Variants in ARHGAP15 observed in about 807,000 individuals in gnomAD.
ARHGAP15 encodes the protein rho GTPase-activating protein 15.
In ARHGAP15, 51 loss-of-function variants were observed where a neutral mutation model predicts 63.7. The observed-to-expected ratio is 0.80, with a 90% CI of 0.64 to 1.01. The LOEUF is 1.01. Ranked by LOEUF, ARHGAP15 falls within the 50% of genes least tolerant of loss-of-function variation. The pLI is 0.00. For synonymous variants in ARHGAP15, 191 were observed against 193.8 expected, an observed-to-expected ratio of 0.99 and a Z score of 0.12; for missense variants, 560 against 564.6, an observed-to-expected ratio of 0.99 and a Z score of 0.08.
chr2:143,607,160 C>T (rs1698070786), intron 11 of ARHGAP15, among the ~76,000 whole-genome samples: 1 of 152,266 alleles, frequency 6.6e-6, no homozygotes, highest in East Asian at 1.9e-4. Flanking sequence ...TTCAGTCACG[C>T]TGCTCTAACT....
intron 2 of ARHGAP15, among the ~76,000 whole-genome samples, chr2:143,190,323 T>G (rs1239148834): frequency 1.3e-5 from 2 of 152,226 alleles, no homozygotes; most frequent in Non-Finnish European, 2.9e-5. Flanking sequence ...AATCACATTA[T>G]GAAGCTGACT....
At chr2:143,299,492 A>G (rs1484208949) in intron 6 of ARHGAP15, among the ~76,000 whole-genome samples, 1 of 151,984 alleles carries the variant, frequency 6.6e-6, no homozygotes. Context: ...AATGTTACAG[A>G]GTGGCCCTCA....
Position 143,755,763 on chromosome 2 carries a change from G to A in ARHGAP15, c.1245-12226G>A, listed in dbSNP as rs536493722. On this transcript the variant is annotated intron_variant, in intron 13 of 13. Coordinates refer to ENST00000295095, the MANE Select transcript of ARHGAP15 (RefSeq NM_018460.4). ...GGCCAGGCAGATTACCTGAGGTAGG[G>A]AGTTTGAGATCAGCCTGACCAACAT... 5.9e-5 allele frequency among the ~76,000 whole-genome samples: 9 copies of A among 152,228 alleles called. No homozygotes were observed. In the South Asian group the frequency reaches 1.9e-3, roughly 32 times the overall value.
intron 12 of ARHGAP15, among the ~76,000 whole-genome samples, chr2:143,634,954 G>A (rs1259108065): frequency 6.6e-6 from 1 of 151,912 alleles, no homozygotes; most frequent in Non-Finnish European, 1.5e-5. Flanking sequence ...GATGTTCACG[G>A]TGGCACCAGA....
At chr2:143,571,190 G>C (rs1471977764) in intron 11 of ARHGAP15, among the ~76,000 whole-genome samples, 1 of 152,100 alleles carries the variant, frequency 6.6e-6, no homozygotes, top group African/African-American at 2.4e-5. Context: ...AAAAGCTTGA[G>C]GTTCCCATTG....
chr2:143,346,178 TCTCTCACA>T (rs1409730347), intron 6 of ARHGAP15, among the ~76,000 whole-genome samples: 1 of 142,996 alleles, frequency 7.0e-6, no homozygotes, highest in African/African-American at 2.6e-5. Context: ...ACACACTCTC[TCTCTCACA>T]CACACACTCT....
At chr2:143,582,836 A>G (rs1696964369) in intron 11 of ARHGAP15, among the ~76,000 whole-genome samples, 1 of 152,246 alleles carries the variant, frequency 6.6e-6, no homozygotes, top group Admixed American at 6.5e-5. Context: ...GGAGGAGACA[A>G]TACTTCAAAA....
chr2:143,551,497 T>C (rs1695560256), intron 10 of ARHGAP15, among the ~76,000 whole-genome samples: 1 of 152,190 alleles, frequency 6.6e-6, no homozygotes, highest in African/African-American at 2.4e-5. Context: ...GAAAGCATGT[T>C]GGGGCAGCTA....
chr2:143,731,964 T>A (rs985791441), intron 13 of ARHGAP15, among the ~76,000 whole-genome samples: 1 of 152,194 alleles, frequency 6.6e-6, no homozygotes, highest in Non-Finnish European at 1.5e-5. Context: ...AAAATGCAAG[T>A]ATGTCTGAAT....
intron 6 of ARHGAP15, among the ~76,000 whole-genome samples, chr2:143,292,041 C>T (rs1450104478): frequency 6.6e-6 from 1 of 152,064 alleles, no homozygotes; most frequent in African/African-American, 2.4e-5. Flanking sequence ...CACAGTGGTG[C>T]TATTAGACAG....
chr2:143,454,451 G>T (rs74967677), intron 8 of ARHGAP15, among the ~76,000 whole-genome samples: 10,387 of 152,070 alleles, frequency 0.068, 529 homozygotes, highest in East Asian at 0.21. Context: ...TTATCTGTTT[G>T]CTTGTTTATT....
chr2:143,611,294 G>A (rs952560767), intron 11 of ARHGAP15, among the ~76,000 whole-genome samples: 1 of 152,030 alleles, frequency 6.6e-6, no homozygotes, highest in Admixed American at 6.6e-5. Context: ...TCTATATGTT[G>A]CTATACAACT....
At chr2:143,605,668 A>G (rs1175893064) in intron 11 of ARHGAP15, among the ~76,000 whole-genome samples, 2 of 151,768 alleles carry the variant, frequency 1.3e-5, no homozygotes, top group Admixed American at 6.6e-5. Flanking sequence ...TTGACTTCCA[A>G]TGTAGGGAGA....
At chr2:143,235,310 G>A (rs1163746088) in intron 5 of ARHGAP15, among the ~76,000 whole-genome samples, 1 of 149,638 alleles carries the variant, frequency 6.7e-6, no homozygotes, top group African/African-American at 2.4e-5. Context: ...TTTGAATTGG[G>A]CCTTGTAGGA....
intron 12 of ARHGAP15, among the ~76,000 whole-genome samples, chr2:143,680,845 C>T (rs1355632923): frequency 6.6e-6 from 1 of 152,184 alleles, no homozygotes; most frequent in Non-Finnish European, 1.5e-5. Flanking sequence ...CAATAAAAAT[C>T]CATGACTTCT....
chr2:143,134,154 C>T (rs354718), intron 1 of ARHGAP15, among the ~76,000 whole-genome samples: 6 of 14,730 alleles, frequency 4.1e-4, no homozygotes, highest in South Asian at 1.2e-3. Context: ...TATCTATCTA[C>T]CTATCTATCT....
At chr2:143,750,298 G>A (rs1038478277) in intron 13 of ARHGAP15, among the ~76,000 whole-genome samples, 1 of 152,112 alleles carries the variant, frequency 6.6e-6, no homozygotes, top group Non-Finnish European at 1.5e-5. Context: ...AGAATTAGTG[G>A]GGCATGATGG....
At chr2:143,174,710 C>T (rs1267254398) in intron 2 of ARHGAP15, among the ~76,000 whole-genome samples, 3 of 152,076 alleles carry the variant, frequency 2.0e-5, no homozygotes, top group Non-Finnish European at 4.4e-5. Context: ...ATTTGATTTA[C>T]TTGTTAAAAG....
At chr2:143,268,130 C>T (rs545890689) in intron 6 of ARHGAP15, among the ~76,000 whole-genome samples, 9 of 151,378 alleles carry the variant, frequency 5.9e-5, no homozygotes, top group African/African-American at 2.2e-4. Context: ...TGCAATTCAA[C>T]TCTATGTATG....
Sources: gnomAD v4.1 joint callset for allele counts (sites outside exome capture counted in the v4.1 genomes callset) on GRCh38, gnomAD v4.1.1 for gene constraint, MANE v1.5 for transcripts, NCBI Gene and HGNC (gene_info 2026-07-23, HGNC 2026-07-21) for gene names.